The following MAP2K4 variants were observed in gnomAD, a reference collection of about 807,000 sequenced individuals.
MAP2K4 encodes mitogen-activated protein kinase kinase 4.
In MAP2K4, 4 loss-of-function variants were observed where a neutral mutation model predicts 48.5. The ratio of observed to expected loss-of-function variants is 0.08; its 90% CI spans 0.04 to 0.19. MAP2K4 has a LOEUF of 0.19. Ranked by LOEUF, MAP2K4 falls within the 10% of genes least tolerant of loss-of-function variation. The pLI, the probability that MAP2K4 is intolerant of heterozygous loss-of-function variation, is 1.00. For missense variants in MAP2K4, 258 were observed against 493.3 expected, an observed-to-expected ratio of 0.52 and a Z score of 4.52; for synonymous variants, 166 against 173.1, an observed-to-expected ratio of 0.96 and a Z score of 0.32.
intron 4 of MAP2K4, among the ~76,000 whole-genome samples, chr17:12,102,944 C>G (rs537672997): frequency 6.8e-4 from 103 of 151,278 alleles, no homozygotes; most frequent in Non-Finnish European, 7.4e-5. Flanking sequence ...TTTTTTCTTC[C>G]CAATTAGTCC....
At chr17:12,130,323 A>C (rs972316839) in intron 9 of MAP2K4, among the ~76,000 whole-genome samples, 1 of 152,236 alleles carries the variant, frequency 6.6e-6, no homozygotes, top group African/African-American at 2.4e-5. Flanking sequence ...GAAGAAGGAC[A>C]TAAGGATGAC....
chr17:12,084,864 G>C (rs1971307557), intron 3 of MAP2K4, among the ~76,000 whole-genome samples: 1 of 152,164 alleles, frequency 6.6e-6, no homozygotes. Flanking sequence ...AGATCTGGGA[G>C]AAACACCTAG....
At chr17:12,080,618 A>T (rs1971158913) in intron 2 of MAP2K4, among the ~76,000 whole-genome samples, 2 of 152,102 alleles carry the variant, frequency 1.3e-5, no homozygotes, top group South Asian at 4.1e-4. Context: ...GAGGGCTGAA[A>T]ATTTCAATTT....
At chr17:12,043,237 T>G (rs1405542576) in intron 1 of MAP2K4, among the ~76,000 whole-genome samples, 6 of 152,206 alleles carry the variant, frequency 3.9e-5, no homozygotes, top group Middle Eastern at 3.2e-3. Flanking sequence ...TTTTACTTGT[T>G]TTTAGGCTTG....
chr17:12,021,005 A>G lies in MAP2K4; in HGVS notation c.115+4A>G, dbSNP rs1969014151. On this transcript the variant is annotated splice_donor_region_variant and intron_variant, in intron 1 of 10. Transcript: ENST00000353533. Reference sequence around the variant, plus strand: ...CCGGCCGTCAGCAGCATGCAGGGTAAGGAACGCGGCCGCGCCGAGATCCCA... The same window carrying G: ...CCGGCCGTCAGCAGCATGCAGGGTAGGGAACGCGGCCGCGCCGAGATCCCA... 1 of 1,207,960 alleles carries G rather than the reference A, an allele frequency of 8.3e-7. No homozygotes were observed. Among genetic ancestry groups the G allele is most frequent in the South Asian group, 4.1e-5 (1 of 24,134 alleles). The allele number at this position is 1,207,960 out of a possible 1,614,324, so 74.8% of individuals were successfully genotyped here.
At chr17:12,068,495 G>A (rs34986328) in intron 2 of MAP2K4, among the ~76,000 whole-genome samples, 25,581 of 152,086 alleles carry the variant, frequency 0.17, 2,530 homozygotes, top group South Asian at 0.3. Flanking sequence ...TAGAGAGACT[G>A]TAAAGACATT....
intron 1 of MAP2K4, among the ~76,000 whole-genome samples, chr17:12,031,791 G>A (rs941638288): frequency 6.6e-6 from 1 of 152,108 alleles, no homozygotes; most frequent in Non-Finnish European, 1.5e-5. Flanking sequence ...TAATTTACTA[G>A]GAAATGTTTT....
Position 12,129,049 on chromosome 17 carries a change from C to T in MAP2K4, c.892-90C>T, listed in dbSNP as rs1972944567. The T allele has an allele frequency of 8.6e-6, 11 of 1,277,850 alleles. 1 individual carries two copies. The South Asian group carries it at 1.5e-4, about 18-fold the overall frequency. The allele number at this position is 1,277,850 out of a possible 1,614,324, so 79.2% of individuals were successfully genotyped here. A position where few individuals can be genotyped will look rare whatever the true frequency, so the allele number is the denominator to read the frequency against. ...AATTCAAGGCTTTACTAGAGTTTTG[C>T]TTGTAGTTTAGATTTTTTTGTGGCC... On this transcript the variant is annotated intron_variant, in intron 8 of 10. Coordinates refer to ENST00000353533, the MANE Select transcript of MAP2K4 (RefSeq NM_003010.4).
rs1973373073 is a variant in MAP2K4 at position 12,141,371 on chromosome 17, T to A, written c.*111T>A. 3 of 780,600 alleles carry A rather than the reference T, an allele frequency of 3.8e-6. No individual in the cohort carries two copies. The highest frequency in any genetic ancestry group is 2.9e-5 in the South Asian group (2 of 68,532). 48.4% of individuals were successfully genotyped at this position (780,600 alleles called of 1,614,324 possible). ...TTGCTCGCCCAGACACCATGTGCAA[T>A]AAGATTGGTGTTCGTTTCCATCATG... On this transcript the variant is annotated 3_prime_UTR_variant, in exon 11 of 11. Coordinates refer to ENST00000353533, the MANE Select transcript of MAP2K4 (RefSeq NM_003010.4).
chr17:12,021,677 T>C (rs1969066144), intron 1 of MAP2K4, among the ~76,000 whole-genome samples: 1 of 123,332 alleles, frequency 8.1e-6, no homozygotes, highest in Non-Finnish European at 1.6e-5. Context: ...TGCATTGGCC[T>C]GGGAGAGGCA....
At chr17:12,025,008 A>G (rs1005439914) in intron 1 of MAP2K4, among the ~76,000 whole-genome samples, 2 of 152,248 alleles carry the variant, frequency 1.3e-5, no homozygotes, top group African/African-American at 2.4e-5. Context: ...TCTGATTAAT[A>G]GAGCTTGCCA....
At position 12,143,647 on chromosome 17, in the gene MAP2K4, G is replaced by A. The variant is rs1973445122; in HGVS notation, c.*2387G>A. 1 of 230,822 alleles carries A rather than the reference G, an allele frequency of 4.3e-6. No individual in the cohort carries two copies. Among genetic ancestry groups the A allele is most frequent in the Admixed American group, 5.6e-5 (1 of 17,714 alleles). 14.3% of individuals were successfully genotyped at this position (230,822 alleles called of 1,614,324 possible). ...TTGTTTGAATTCCTCCTCTATTTAA[G>A]ATATATACATGGAATCGAAGTGTTT... On this transcript the variant is annotated 3_prime_UTR_variant, in exon 11 of 11. Transcript: ENST00000353533.
intron 6 of MAP2K4, among the ~76,000 whole-genome samples, chr17:12,112,095 C>A (rs1190118677): frequency 6.6e-6 from 1 of 152,120 alleles, no homozygotes; most frequent in East Asian, 1.9e-4. Context: ...AAACTTATAC[C>A]AGCCAACAGC....
intron 9 of MAP2K4, among the ~76,000 whole-genome samples, chr17:12,131,473 C>T (rs1224213853): frequency 2.0e-5 from 3 of 151,878 alleles, no homozygotes; most frequent in South Asian, 2.1e-4. Context: ...TCTCGAACTT[C>T]TGACCTCGTG....
intron 1 of MAP2K4, among the ~76,000 whole-genome samples, chr17:12,033,444 G>C (rs920648895): frequency 6.6e-6 from 1 of 152,050 alleles, no homozygotes; most frequent in Non-Finnish European, 1.5e-5. Context: ...TTGAAATGTA[G>C]TTAGCAAAAA....
intron 3 of MAP2K4, among the ~76,000 whole-genome samples, chr17:12,087,869 A>G (rs1176569501): frequency 6.6e-6 from 1 of 151,944 alleles, no homozygotes; most frequent in East Asian, 1.9e-4. Context: ...GTTTTGGTTA[A>G]TGTTGCCATC....
intron 2 of MAP2K4, among the ~76,000 whole-genome samples, chr17:12,065,130 TAGAA>T (rs771486238): frequency 1.1e-4 from 16 of 152,074 alleles, no homozygotes; most frequent in Non-Finnish European, 7.4e-5. Flanking sequence ...TTTTGTGAAA[TAGAA>T]AGGTGTCTGC....
Position 12,020,922 on chromosome 17 carries a change from C to A in MAP2K4, c.36C>A (p.Ser12=). 8.2e-7 allele frequency: 1 copy of A among 1,217,612 alleles called. No homozygotes were observed. Among genetic ancestry groups the A allele is most frequent in the Non-Finnish European group, 1.0e-6 (1 of 978,970 alleles). The allele number at this position is 1,217,612 out of a possible 1,614,324, so 75.4% of individuals were successfully genotyped here. The change falls in exon 1 of 11, where the codon TCC becomes TCA. Residue 12 remains serine, a synonymous_variant. Coordinates refer to ENST00000353533, the MANE Select transcript of MAP2K4 (RefSeq NM_003010.4). ...AAPSPSGGGG[S]GGGSGSGTPG... is the part of the protein sequence containing the mutation. ...CGAGCCCGAGCGGCGGCGGCGGCTC[C>A]GGGGGCGGCAGCGGCAGCGGCACCC...
At chr17:12,116,932 C>T (rs1972518524) in intron 7 of MAP2K4, among the ~76,000 whole-genome samples, 1 of 152,072 alleles carries the variant, frequency 6.6e-6, no homozygotes, top group African/African-American at 2.4e-5. Flanking sequence ...ACAGCATCAC[C>T]ACGAGCGCGA....
Sources: gnomAD v4.1 joint callset for allele counts (sites outside exome capture counted in the v4.1 genomes callset) on GRCh38, gnomAD v4.1.1 for gene constraint, MANE v1.5 for transcripts, NCBI Gene and HGNC (gene_info 2026-07-23, HGNC 2026-07-21) for gene names.